The following RASA3 variants were observed in gnomAD, a reference collection of about 807,000 sequenced individuals.
RASA3 encodes the protein ras GTPase-activating protein 3.
Under a neutral mutation model 110.0 loss-of-function variants are expected in RASA3, and 73 were observed. That is an observed-to-expected ratio of 0.66 (90% CI 0.55 to 0.81). The LOEUF (loss-of-function observed/expected upper bound fraction) is 0.81, where lower values mean the gene tolerates loss of function less well. Ranked by LOEUF, RASA3 falls within the 30% of genes least tolerant of loss-of-function variation. RASA3 has a pLI of 0.00. For synonymous variants in RASA3, 500 were observed against 451.4 expected (o/e 1.11, Z -1.37); for missense variants, 976 against 1,113.2 (o/e 0.88, Z 1.75).
intron 3 of RASA3, among the ~76,000 whole-genome samples, chr13:114,045,037 T>C (rs1260559338): frequency 6.6e-6 from 1 of 152,216 alleles, no homozygotes; most frequent in Non-Finnish European, 1.5e-5. Context: ...AAGGGATCCC[T>C]GCCCCTGCCA....
chr13:114,036,484 A>G (rs2054280012), intron 4 of RASA3, among the ~76,000 whole-genome samples: 2 of 152,172 alleles, frequency 1.3e-5, no homozygotes, highest in Non-Finnish European at 2.9e-5. Flanking sequence ...TCACTGTGAC[A>G]TCTTATGATG....
At chr13:114,072,665 A>G (rs530130036) in intron 2 of RASA3, among the ~76,000 whole-genome samples, 1 of 152,350 alleles carries the variant, frequency 6.6e-6, no homozygotes, top group South Asian at 2.1e-4. Context: ...GGGAGCATTT[A>G]GCCAACACCA....
At chr13:113,982,497 G>A (rs1566440088) in intron 22 of RASA3, among the ~76,000 whole-genome samples, 1 of 152,248 alleles carries the variant, frequency 6.6e-6, no homozygotes, top group East Asian at 1.9e-4. Flanking sequence ...CCATTCTGGT[G>A]CCTCGCCCCT....
intron 4 of RASA3, among the ~76,000 whole-genome samples, chr13:114,031,027 CTGTG>C (rs1193971062): frequency 6.7e-6 from 1 of 148,468 alleles, no homozygotes; most frequent in Admixed American, 6.7e-5. Context: ...GTGCGTGCAA[CTGTG>C]TGTCCATCTG....
chr13:114,061,204 C>A (rs1352507805), intron 2 of RASA3, among the ~76,000 whole-genome samples: 1 of 152,158 alleles, frequency 6.6e-6, no homozygotes, highest in Admixed American at 6.5e-5. Flanking sequence ...CTTCTCCACC[C>A]CCGCCACGGC....
intron 8 of RASA3, among the ~76,000 whole-genome samples, chr13:114,023,157 G>C (rs9590526): frequency 0.7 from 106,719 of 152,226 alleles, 38,151 homozygotes; most frequent in African/African-American, 0.85. Flanking sequence ...TGGGAGGGAG[G>C]GTGACCAGGG....
At chr13:114,002,806 C>T (rs951127288) in intron 18 of RASA3, among the ~76,000 whole-genome samples, 4 of 152,300 alleles carry the variant, frequency 2.6e-5, no homozygotes, top group East Asian at 1.9e-4. Context: ...GCCCATCGCG[C>T]GTGTGGGACG....
intron 1 of RASA3, among the ~76,000 whole-genome samples, chr13:114,111,541 A>C (rs12865303): frequency 9.6e-4 from 60 of 62,816 alleles, no homozygotes; most frequent in South Asian, 1.2e-3. Flanking sequence ...CTGCAGGCCG[A>C]GTTCTAACGG....
At chr13:114,067,716 T>C (rs1171778940) in intron 2 of RASA3, among the ~76,000 whole-genome samples, 2 of 152,198 alleles carry the variant, frequency 1.3e-5, no homozygotes, top group African/African-American at 4.8e-5. Context: ...ACCCACTGCG[T>C]GCACACAGGA....
At chr13:114,017,145 C>T (rs1566484221) in intron 12 of RASA3, 92 bp downstream of exon 12, 35 of 1,155,262 alleles carry the variant, frequency 3.0e-5, no homozygotes, top group Non-Finnish European at 4.0e-5. Context: ...AAGCCCAGCT[C>T]GTGGTCTGGC....
rs190869389 is a variant in RASA3 at position 114,029,021 on chromosome 13, A to G, written c.449+790T>C. ...GGGCCAGGACCTCTAAAACGGCATC[A>G]TCCTGGAGGCCAGGACCTCTAAAAC... On this transcript the variant is annotated intron_variant, in intron 5 of 23. Transcript: ENST00000334062. 1.6e-4 allele frequency among the ~76,000 whole-genome samples: 2 copies of G among 12,312 alleles called. 1 individual carries two copies. The highest frequency in any genetic ancestry group is 2.5e-4 in the Non-Finnish European group (2 of 8,072). 8.1% of individuals were successfully genotyped at this position (12,312 alleles called of 152,430 possible).
At chr13:114,024,428 C>G in intron 7 of RASA3, 73 bp from the exon 8 acceptor site, 2 of 1,368,558 alleles carry the variant, frequency 1.5e-6, no homozygotes, top group Non-Finnish European at 1.0e-6. Context: ...ACCTAGGCCC[C>G]GGGCTGCCCT....
chr13:114,043,158 G>A (rs2054451282), intron 3 of RASA3, among the ~76,000 whole-genome samples: 1 of 152,170 alleles, frequency 6.6e-6, no homozygotes, highest in Non-Finnish European at 1.5e-5. Context: ...GACACGCCCA[G>A]CTCAGCACCA....
chr13:114,132,420 C>T lies in RASA3; in HGVS notation c.55+15G>A, dbSNP rs2080534832. On this transcript the variant is annotated intron_variant, in intron 1 of 23. Transcript: ENST00000334062. ...GGCCGGGGGGTCGGACGCGTGGCTG[C>T]CGGCGGACACTCACCGATCTTGATC... is the stretch of plus-strand genomic sequence containing the variant. 5.9e-6 allele frequency: 9 copies of T among 1,515,536 alleles called. No homozygotes were observed. Among genetic ancestry groups the T allele is most frequent in the Non-Finnish European group, 6.1e-6 (7 of 1,138,532 alleles). 93.9% of individuals were successfully genotyped at this position (1,515,536 alleles called of 1,614,324 possible).
chr13:114,121,077 C>T (rs573064116), intron 1 of RASA3, among the ~76,000 whole-genome samples: 1 of 152,352 alleles, frequency 6.6e-6, no homozygotes, highest in Admixed American at 6.5e-5. Flanking sequence ...GGAAAAAGAA[C>T]AAGTTGTGGG....
intron 1 of RASA3, among the ~76,000 whole-genome samples, chr13:114,129,642 T>C (rs543042093): frequency 1.3e-5 from 2 of 152,360 alleles, no homozygotes; most frequent in South Asian, 4.1e-4. Context: ...GAATTGCTTA[T>C]GGTATAACTT....
chr13:114,128,102 A>C (rs567925126), intron 1 of RASA3, among the ~76,000 whole-genome samples: 1 of 152,230 alleles, frequency 6.6e-6, no homozygotes, highest in African/African-American at 2.4e-5. Flanking sequence ...CAGGCAGCTT[A>C]GCTGAGCTCG....
At chr13:114,041,164 C>T in intron 3 of RASA3, 70 bp from the exon 4 acceptor site, 1 of 1,305,522 alleles carries the variant, frequency 7.7e-7, no homozygotes, top group South Asian at 1.2e-5. Context: ...TGAGCAGAAG[C>T]CAGCCCATCA....
intron 1 of RASA3, among the ~76,000 whole-genome samples, chr13:114,075,447 C>T (rs2139677074): frequency 9.7e-6 from 1 of 103,394 alleles, no homozygotes; most frequent in Middle Eastern, 5.3e-3. Flanking sequence ...TGGACAACGC[C>T]TCCCGTGTCC....
Sources: gnomAD v4.1 joint callset for allele counts (sites outside exome capture counted in the v4.1 genomes callset) on GRCh38, gnomAD v4.1.1 for gene constraint, MANE v1.5 for transcripts, NCBI Gene and HGNC (gene_info 2026-07-23, HGNC 2026-07-21) for gene names.